The following NUP210L variants were observed in gnomAD, a reference collection of about 807,000 sequenced individuals.
NUP210L encodes nucleoporin 210 like.
In NUP210L, 74 loss-of-function variants were observed where a neutral mutation model predicts 208.5. The observed-to-expected ratio is 0.35, with a 90% CI of 0.29 to 0.43. NUP210L has a LOEUF of 0.43. Among genes scored for constraint, NUP210L ranks in the 20% least tolerant of loss-of-function variants. NUP210L has a pLI of 1.00. For synonymous variants in NUP210L, 780 were observed against 816.9 expected (o/e 0.95, Z 0.77); for missense variants, 1,843 against 2,289.4 (o/e 0.81, Z 3.98).
intron 17 of NUP210L, among the ~76,000 whole-genome samples, chr1:154,062,161 G>A (rs1371581489): frequency 6.6e-6 from 1 of 152,024 alleles, no homozygotes; most frequent in Non-Finnish European, 1.5e-5. Flanking sequence ...ATGCCAATAT[G>A]TACCCATATG....
intron 3 of NUP210L, among the ~76,000 whole-genome samples, chr1:154,142,373 CTAAG>C (rs766424947): frequency 6.6e-6 from 1 of 151,774 alleles, no homozygotes; most frequent in South Asian, 2.1e-4. Flanking sequence ...TTTTTACTAC[CTAAG>C]TGTTTTTTAA....
intron 27 of NUP210L, among the ~76,000 whole-genome samples, chr1:154,036,736 G>A (rs1652579451): frequency 6.6e-6 from 1 of 151,986 alleles, no homozygotes; most frequent in African/African-American, 2.4e-5. Flanking sequence ...CACCATTATA[G>A]CTCACTGCTG....
chr1:154,106,116 C>G (rs543998106), intron 12 of NUP210L, among the ~76,000 whole-genome samples: 30 of 152,038 alleles, frequency 2.0e-4, no homozygotes, highest in Non-Finnish European at 4.1e-4. Context: ...CAAAAATTAC[C>G]CGGGCGTGGT....
intron 2 of NUP210L, among the ~76,000 whole-genome samples, chr1:154,145,690 G>A (rs1275091001): frequency 2.0e-5 from 3 of 152,166 alleles, no homozygotes; most frequent in Non-Finnish European, 2.9e-5. Flanking sequence ...TAAGCAAGGT[G>A]GGAAGGCTAG....
In NUP210L at chr1:154,141,556, G is replaced by A. The variant is rs369713072; in HGVS notation, c.473-32C>T. 13 of 1,268,518 alleles carry A rather than the reference G, an allele frequency of 1.0e-5. No homozygotes were observed. The East Asian group carries it at 1.6e-4, about 16-fold the overall frequency. The allele number at this position is 1,268,518 out of a possible 1,614,324, so 78.6% of individuals were successfully genotyped here. ...AGCAAGCCAAAAGCAGACAAGATAG[G>A]ATCACGTATTTAAAAATATTCAGGT... is the stretch of plus-strand genomic sequence containing the variant. On this transcript the variant is annotated intron_variant, in intron 3 of 39. Transcript: ENST00000368559.
At chr1:154,059,487 C>T (rs1323500748) in intron 20 of NUP210L, among the ~76,000 whole-genome samples, 2 of 152,122 alleles carry the variant, frequency 1.3e-5, no homozygotes, top group East Asian at 1.9e-4. Context: ...GAGTGAGACC[C>T]TATTTCTACT....
chr1:154,152,363 G>T (rs918293087), intron 2 of NUP210L, among the ~76,000 whole-genome samples: 1 of 151,712 alleles, frequency 6.6e-6, no homozygotes, highest in Non-Finnish European at 1.5e-5. Flanking sequence ...TAGTAGAGAC[G>T]AGGTTTTACC....
chr1:154,077,722 C>T (rs972503677), intron 16 of NUP210L, among the ~76,000 whole-genome samples: 2 of 152,046 alleles, frequency 1.3e-5, no homozygotes, highest in Non-Finnish European at 2.9e-5. Context: ...CGGTGGTCCA[C>T]GCCTATAATC....
At chr1:154,083,968 G>A (rs1019928803) in intron 16 of NUP210L, among the ~76,000 whole-genome samples, 1 of 151,540 alleles carries the variant, frequency 6.6e-6, no homozygotes, top group East Asian at 1.9e-4. Flanking sequence ...AAGTTAACCA[G>A]TGCAATTTAG....
intron 16 of NUP210L, among the ~76,000 whole-genome samples, chr1:154,071,721 C>T (rs374798232): frequency 2.7e-4 from 41 of 150,152 alleles, no homozygotes; most frequent in African/African-American, 9.8e-4. Flanking sequence ...CTGCAACCTC[C>T]GCCTCCTGGG....
intron 16 of NUP210L, among the ~76,000 whole-genome samples, chr1:154,072,623 C>T (rs568321952): frequency 2.0e-4 from 31 of 152,120 alleles, no homozygotes; most frequent in African/African-American, 6.5e-4. Context: ...TGAGCCACCG[C>T]GCCTGGCAAT....
At chr1:154,089,483 G>A in exon 16 of NUP210L, 1 of 1,614,138 alleles carries the variant, frequency 6.2e-7, no homozygotes, top group Non-Finnish European at 8.5e-7. Flanking sequence ...TTGTATACTG[G>A]AGTTACTGAC....
chr1:153,997,165 T>A lies in NUP210L; in HGVS notation c.5387-1985A>T, dbSNP rs370926078. On this transcript the variant is annotated intron_variant, in intron 37 of 39. Transcript: ENST00000368559. The stretch of plus-strand genomic sequence containing the variant: ...TTTTAGTAGAGATGGGTTTTCACCA[T>A]GTTGGCCAGGATGGTCTCGAACTCC... 7.9e-5 allele frequency among the ~76,000 whole-genome samples: 12 copies of A among 152,064 alleles called. 1 individual carries two copies. In the East Asian group the frequency reaches 2.3e-3, roughly 29 times the overall value.
At chr1:154,052,679 AT>A (rs1653583778) in intron 25 of NUP210L, among the ~76,000 whole-genome samples, 1 of 152,182 alleles carries the variant, frequency 6.6e-6, no homozygotes, top group Admixed American at 6.5e-5. Context: ...TGATCTCAGT[AT>A]TTACCATAAT....
chr1:154,048,873 T>G (rs913442311), intron 25 of NUP210L, among the ~76,000 whole-genome samples: 1 of 152,316 alleles, frequency 6.6e-6, no homozygotes, highest in East Asian at 1.9e-4. Context: ...TATCTACTTC[T>G]GTTCCCTGGA....
exon 13 of NUP210L, chr1:154,104,080 G>A: frequency 6.2e-7 from 1 of 1,614,102 alleles, no homozygotes; most frequent in Non-Finnish European, 8.5e-7. Flanking sequence ...AGAGCAGTCT[G>A]TGAATGCCAT....
At chr1:154,139,841 A>G (rs768964781) in exon 5 of NUP210L, 1 of 1,613,950 alleles carries the variant, frequency 6.2e-7, no homozygotes, top group East Asian at 2.2e-5. Context: ...TTACAACAGC[A>G]GCACCAGTTC....
chr1:154,127,521 C>A, intron 8 of NUP210L, 104 bp from the exon 9 acceptor site: 4 of 403,252 alleles, frequency 9.9e-6, no homozygotes, highest in Non-Finnish European at 1.3e-5. Context: ...GCAAAATTTA[C>A]TAATAGATGG....
At chr1:154,012,183 T>C in intron 34 of NUP210L, 61 bp downstream of exon 34, 2 of 1,551,782 alleles carry the variant, frequency 1.3e-6, no homozygotes, top group Non-Finnish European at 1.8e-6. Flanking sequence ...AAGGGATAAA[T>C]GAATTGAGGG....
Sources: gnomAD v4.1 joint callset for allele counts (sites outside exome capture counted in the v4.1 genomes callset) on GRCh38, gnomAD v4.1.1 for gene constraint, MANE v1.5 for transcripts, NCBI Gene and HGNC (gene_info 2026-07-23, HGNC 2026-07-21) for gene names.